KDM2A: variants seen among roughly 807,000 people sequenced by gnomAD.
KDM2A encodes the protein lysine-specific demethylase 2A.
In KDM2A, 3 loss-of-function variants were observed where a neutral mutation model predicts 137.3. The observed-to-expected ratio is 0.02, with a 90% CI of 0.01 to 0.06. The LOEUF is 0.06. Ranked by LOEUF, KDM2A falls within the 10% of genes least tolerant of loss-of-function variation. The pLI, the probability that KDM2A is intolerant of heterozygous loss-of-function variation, is 1.00. For synonymous variants in KDM2A, 512 were observed against 541.5 expected (o/e 0.95, Z 0.76); for missense variants, 738 against 1,510.6 (o/e 0.49, Z 8.48).
Position 67,222,961 on chromosome 11 carries a change from G to A in KDM2A, c.957+3558G>A, listed in dbSNP as rs146082123. Among the ~76,000 whole-genome samples the A allele has an allele frequency of 9.7e-3, 1,468 of 151,362 alleles. 15 individuals carry two copies. The highest frequency in any genetic ancestry group is 0.016 in the Non-Finnish European group (1,058 of 67,884). ...GTAATCCCAACACTTTGGGAGGCTA[G>A]GCAGGCAGATTACCTGAGGTCAGGA... On this transcript the variant is annotated intron_variant, in intron 10 of 20. Transcript: ENST00000529006.
intron 15 of KDM2A, 66 bp from the exon 16 acceptor site, chr11:67,248,215 T>G: frequency 8.7e-7 from 1 of 1,148,454 alleles, no homozygotes; most frequent in Non-Finnish European, 1.3e-6. Flanking sequence ...TCTTCCCAAC[T>G]GTGTTATTGT....
intron 5 of KDM2A, among the ~76,000 whole-genome samples, chr11:67,199,379 A>G (rs1420385953): frequency 6.6e-6 from 1 of 152,250 alleles, no homozygotes; most frequent in African/African-American, 2.4e-5. Flanking sequence ...GTCAAAAGCC[A>G]AGATAGGCCT....
intron 10 of KDM2A, among the ~76,000 whole-genome samples, chr11:67,225,923 G>A (rs1858527821): frequency 6.6e-6 from 1 of 151,982 alleles, no homozygotes; most frequent in Admixed American, 6.6e-5. Flanking sequence ...AAATTAGCTG[G>A]TCATGGTGGT....
chr11:67,209,926 G>A (rs1857927374), intron 6 of KDM2A, among the ~76,000 whole-genome samples: 3 of 152,096 alleles, frequency 2.0e-5, no homozygotes, highest in Non-Finnish European at 4.4e-5. Context: ...CAGGCATGGT[G>A]GCATGCACCT....
intron 9 of KDM2A, 53 bp from the exon 10 acceptor site, chr11:67,219,235 G>T: frequency 2.4e-6 from 2 of 838,510 alleles, no homozygotes; most frequent in South Asian, 1.9e-5. Context: ...CTCTGAGAGA[G>T]ACTTACTGTA....
chr11:67,214,666 C>A (rs1436526609), intron 6 of KDM2A, among the ~76,000 whole-genome samples: 2 of 151,998 alleles, frequency 1.3e-5, no homozygotes, highest in Non-Finnish European at 2.9e-5. Context: ...GAGATGGGTT[C>A]TCACTGTGTT....
intron 2 of KDM2A, chr11:67,132,036 A>G (rs1298783706): frequency 6.6e-6 from 1 of 152,226 alleles, no homozygotes; most frequent in African/African-American, 2.4e-5. Context: ...GACCAAACGA[A>G]TGTTTTTGGC....
chr11:67,257,819 T>G lies in KDM2A; in HGVS notation c.*2764T>G, dbSNP rs1350605577. On this transcript the variant is annotated 3_prime_UTR_variant, in exon 21 of 21. Transcript: ENST00000529006. ...GGGATAAGTCTTATGCTATCTCAGT[T>G]GACACATTGAGGTTATTTTGGGCCA... 6.6e-6 allele frequency: 1 copy of G among 152,184 alleles called. No homozygotes were observed. The highest frequency in any genetic ancestry group is 2.1e-4 in the South Asian group (1 of 4,826). The allele number at this position is 152,184 out of a possible 1,614,324, so 9.4% of individuals were successfully genotyped here. A position where few individuals can be genotyped will look rare whatever the true frequency, so the allele number is the denominator to read the frequency against.
intron 2 of KDM2A, among the ~76,000 whole-genome samples, chr11:67,160,795 GAGAT>G (rs1856617215): frequency 6.6e-6 from 1 of 151,946 alleles, no homozygotes; most frequent in Non-Finnish European, 1.5e-5. Flanking sequence ...AAAAAAAAAT[GAGAT>G]AGACCTTCTC....
At chr11:67,132,475 G>A (rs1320956613) in intron 2 of KDM2A, among the ~76,000 whole-genome samples, 1 of 152,078 alleles carries the variant, frequency 6.6e-6, no homozygotes, top group Admixed American at 6.6e-5. Flanking sequence ...AGTAGAGACG[G>A]GGTCTCAACT....
At chr11:67,208,685 C>T (rs188939718) in intron 6 of KDM2A, among the ~76,000 whole-genome samples, 6 of 149,516 alleles carry the variant, frequency 4.0e-5, no homozygotes, top group Admixed American at 2.0e-4. Context: ...GCATGAGAAT[C>T]GCTTGAACCT....
rs1859649160 is a variant in KDM2A, at chr11:67,257,451, G to T, written c.*2396G>T. ...CTGTTGGGGGACAGAGGAACCTGGG[G>T]AGTCCATCGCATGTCCTACAATCTG... On this transcript the variant is annotated 3_prime_UTR_variant, in exon 21 of 21. Transcript: ENST00000529006. The T allele has an allele frequency of 6.6e-6, 1 of 152,550 alleles. No homozygotes were observed. Among genetic ancestry groups the T allele is most frequent in the African/African-American group, 2.4e-5 (1 of 41,392 alleles). 9.4% of individuals were successfully genotyped at this position (152,550 alleles called of 1,614,324 possible).
At chr11:67,142,139 A>G (rs540958191) in intron 2 of KDM2A, among the ~76,000 whole-genome samples, 3 of 151,788 alleles carry the variant, frequency 2.0e-5, no homozygotes, top group African/African-American at 4.8e-5. Flanking sequence ...CCCAGGTTCA[A>G]ATGATTCTCC....
intron 2 of KDM2A, among the ~76,000 whole-genome samples, chr11:67,178,568 C>A (rs751993163): frequency 1.3e-5 from 2 of 152,146 alleles, no homozygotes; most frequent in Admixed American, 6.6e-5. Flanking sequence ...TAGCCCCTGG[C>A]AACTATGAAT....
chr11:67,128,364 A>G (rs528006627), intron 2 of KDM2A, among the ~76,000 whole-genome samples: 40 of 151,890 alleles, frequency 2.6e-4, no homozygotes, highest in Admixed American at 5.2e-4. Flanking sequence ...ACTAGATAAA[A>G]TAGAATATTT....
chr11:67,244,111 C>T (rs537125635), intron 13 of KDM2A, among the ~76,000 whole-genome samples: 40 of 152,302 alleles, frequency 2.6e-4, no homozygotes, highest in African/African-American at 9.1e-4. Context: ...ATCACCTCCT[C>T]GTCCCTAGTG....
At chr11:67,129,431 A>G (rs1279619845) in intron 2 of KDM2A, among the ~76,000 whole-genome samples, 1 of 152,164 alleles carries the variant, frequency 6.6e-6, no homozygotes, top group Non-Finnish European at 1.5e-5. Flanking sequence ...TCTACTAAAA[A>G]TACAAAAATT....
In KDM2A at chr11:67,224,828, A is replaced by ATTTT. The variant is rs764581976; in HGVS notation, c.958-3183_958-3180dup. Among the ~76,000 whole-genome samples the ATTTT allele has an allele frequency of 7.6e-3, 506 of 66,304 alleles. 120 individuals are homozygous for ATTTT. The highest frequency in any genetic ancestry group is 0.04 in the African/African-American group (476 of 12,020). The allele number at this position is 66,304 out of a possible 152,430, so 43.5% of individuals were successfully genotyped here. A position where few individuals can be genotyped will look rare whatever the true frequency, so the allele number is the denominator to read the frequency against. ...ACCAGGGGCACTTGGCAGCTGCAGCATTTTTTTTTTTTTTTTTTTTTTTTT... is the reference window on the plus strand; with the variant it reads ...ACCAGGGGCACTTGGCAGCTGCAGCATTTTTTTTTTTTTTTTTTTTTTTTTTTTT... On this transcript the variant is annotated intron_variant, in intron 10 of 20. Coordinates refer to ENST00000529006, the MANE Select transcript of KDM2A (RefSeq NM_012308.3).
chr11:67,145,787 G>A (rs542089480), intron 2 of KDM2A, among the ~76,000 whole-genome samples: 158 of 151,074 alleles, frequency 1.0e-3, no homozygotes, highest in African/African-American at 3.6e-3. Flanking sequence ...GGACCTTTGC[G>A]TATGCTGTTC....
Sources: gnomAD v4.1 joint callset for allele counts (sites outside exome capture counted in the v4.1 genomes callset) on GRCh38, gnomAD v4.1.1 for gene constraint, MANE v1.5 for transcripts, NCBI Gene and HGNC (gene_info 2026-07-23, HGNC 2026-07-21) for gene names.